The following INSC variants were observed in gnomAD, a reference collection of about 807,000 sequenced individuals.
The protein encoded by INSC is protein inscuteable homolog.
A neutral mutation model predicts 58.6 loss-of-function variants in INSC; 67 were observed. The observed-to-expected ratio is 1.14, with a 90% CI of 0.94 to 1.40. The LOEUF is 1.40. Ranked by LOEUF, INSC falls within the 40% of genes most tolerant of loss-of-function variation. The pLI is 0.00. For missense variants in INSC, 714 were observed against 692.0 expected, an observed-to-expected ratio of 1.03 and a Z score of -0.36; for synonymous variants, 262 against 276.1, an observed-to-expected ratio of 0.95 and a Z score of 0.51.
At chr11:15,116,921 C>CTCCT (rs1219518629) in intron 1 of INSC, among the ~76,000 whole-genome samples, 16 of 20,594 alleles carry the variant, frequency 7.8e-4, no homozygotes, top group African/African-American at 2.3e-3. Context: ...CCCTCCCTCC[C>CTCCT]TCCTTCCTTC....
intron 7 of INSC, among the ~76,000 whole-genome samples, chr11:15,208,971 G>A (rs954013066): frequency 2.0e-5 from 3 of 152,172 alleles, no homozygotes; most frequent in Admixed American, 6.5e-5. Context: ...ACAAATTCAG[G>A]GCAGTGAGGG....
At chr11:15,260,334 A>G in the INSC span, among the ~76,000 whole-genome samples, 2 of 152,102 alleles carry the variant, frequency 1.3e-5, no homozygotes, top group Admixed American at 1.3e-4. Flanking sequence ...GTTGAGAAGC[A>G]CTCTTACGAT....
chr11:15,193,524 ATGAG>A (rs1850257968), intron 6 of INSC, among the ~76,000 whole-genome samples: 1 of 152,036 alleles, frequency 6.6e-6, no homozygotes, highest in Non-Finnish European at 1.5e-5. Context: ...GTTCCCACCT[ATGAG>A]TGAGAACATG....
downstream of INSC, among the ~76,000 whole-genome samples, chr11:15,249,873 G>A (rs373086610): frequency 3.3e-5 from 5 of 152,230 alleles, no homozygotes; most frequent in South Asian, 2.1e-4. Context: ...AGGCCTTCAT[G>A]ATTGAGGCCA....
At chr11:15,118,417 A>G (rs964116889) in intron 1 of INSC, among the ~76,000 whole-genome samples, 1 of 152,224 alleles carries the variant, frequency 6.6e-6, no homozygotes, top group South Asian at 2.1e-4. Context: ...AAGCTTAGCA[A>G]CAAAGAATGA....
chr11:15,169,206 T>C (rs1461853105), intron 2 of INSC, among the ~76,000 whole-genome samples: 3 of 151,482 alleles, frequency 2.0e-5, no homozygotes, highest in Non-Finnish European at 2.9e-5. Context: ...GGGTTCCCGA[T>C]GTAGCTAGGC....
the INSC span, among the ~76,000 whole-genome samples, chr11:15,258,036 T>C: frequency 6.6e-6 from 1 of 152,196 alleles, no homozygotes; most frequent in Non-Finnish European, 1.5e-5. Context: ...TATGAGACCT[T>C]TATTTCATTA....
intron 2 of INSC, among the ~76,000 whole-genome samples, chr11:15,161,343 C>T (rs12225275): frequency 3.3e-5 from 5 of 152,096 alleles, no homozygotes; most frequent in African/African-American, 9.6e-5. Flanking sequence ...ATATAGAACA[C>T]GTCAGAAAAT....
At chr11:15,235,429 G>GT (rs1450664136) in intron 9 of INSC, among the ~76,000 whole-genome samples, 173 bp from the exon 10 acceptor site, 1 of 152,216 alleles carries the variant, frequency 6.6e-6, no homozygotes, top group African/African-American at 2.4e-5. Context: ...ATACATCTGG[G>GT]TGGCAGGAGC....
intron 7 of INSC, among the ~76,000 whole-genome samples, chr11:15,204,945 G>A (rs1850740698): frequency 6.6e-6 from 1 of 152,166 alleles, no homozygotes; most frequent in Admixed American, 6.5e-5. Context: ...ACAGGTCACT[G>A]CATCCATCCC....
At chr11:15,171,739 T>C (rs1024430988) in intron 2 of INSC, among the ~76,000 whole-genome samples, 6 of 152,208 alleles carry the variant, frequency 3.9e-5, no homozygotes, top group African/African-American at 1.4e-4. Context: ...GCAATAGAAA[T>C]TAACTCTTGG....
At position 15,146,075 on chromosome 11, in the gene INSC, C is replaced by T. The variant is rs76543763; in HGVS notation, c.-45-3055C>T. On this transcript the variant is annotated intron_variant, in intron 1 of 12. Coordinates refer to ENST00000379556, the MANE Select transcript of INSC (RefSeq NM_001042536.3). ...AACAGAGGATGATGATGGCATTAAA[C>T]GAACTAATACTATATGAAGCATTTA... Among the ~76,000 whole-genome samples, 19 of 152,334 alleles carry T rather than the reference C, an allele frequency of 1.2e-4. 1 individual carries two copies. In the East Asian group the frequency reaches 2.5e-3, roughly 20 times the overall value.
intron 1 of INSC, among the ~76,000 whole-genome samples, chr11:15,142,571 G>A (rs4757292): frequency 0.3 from 45,107 of 152,094 alleles, 8,340 homozygotes; most frequent in Admixed American, 0.43. Flanking sequence ...GTCCCGCTTC[G>A]GGGGAGGGTG....
the INSC span, among the ~76,000 whole-genome samples, chr11:15,254,629 G>A: frequency 6.6e-6 from 1 of 152,198 alleles, no homozygotes; most frequent in African/African-American, 2.4e-5. Context: ...ATTAAATGTG[G>A]TAATACATGG....
upstream of INSC, among the ~76,000 whole-genome samples, chr11:15,113,593 C>T (rs1233256811): frequency 6.6e-6 from 1 of 152,206 alleles, no homozygotes; most frequent in African/African-American, 2.4e-5. Context: ...CAGCCCTAGA[C>T]AGCACTTGTT....
the INSC span, among the ~76,000 whole-genome samples, chr11:15,264,419 C>T: frequency 6.9e-6 from 1 of 144,162 alleles, no homozygotes; most frequent in African/African-American, 2.6e-5. Flanking sequence ...TACTCTTTTT[C>T]AAAGGTCAGT....
chr11:15,188,376 T>C (rs1248068178), intron 5 of INSC: 2 of 985,128 alleles, frequency 2.0e-6, no homozygotes, highest in African/African-American at 1.7e-5. Flanking sequence ...TTTCCTGACC[T>C]TCAAAAATGG....
At chr11:15,199,193 T>C (rs775873886) in intron 6 of INSC, among the ~76,000 whole-genome samples, 19 of 152,220 alleles carry the variant, frequency 1.2e-4, no homozygotes, top group Admixed American at 6.5e-5. Context: ...TAATAAACCA[T>C]TAACATTTTT....
chr11:15,160,281 A>C (rs972851500), intron 2 of INSC, among the ~76,000 whole-genome samples: 1 of 152,174 alleles, frequency 6.6e-6, no homozygotes, highest in Admixed American at 6.5e-5. Flanking sequence ...GAAGCCAGCA[A>C]GGTGAAGAGG....
Sources: gnomAD v4.1 joint callset for allele counts (sites outside exome capture counted in the v4.1 genomes callset) on GRCh38, gnomAD v4.1.1 for gene constraint, MANE v1.5 for transcripts, NCBI Gene and HGNC (gene_info 2026-07-23, HGNC 2026-07-21) for gene names.